The following ARHGEF3 variants were observed in gnomAD, a reference collection of about 807,000 sequenced individuals.
ARHGEF3 encodes 59.8 kDA protein.
Under a neutral mutation model 63.2 loss-of-function variants are expected in ARHGEF3, and 28 were observed. That is an observed-to-expected ratio of 0.44 (90% CI 0.33 to 0.61). ARHGEF3 has a LOEUF of 0.61. Among genes scored for constraint, ARHGEF3 ranks in the 20% least tolerant of loss-of-function variants. The probability of loss-of-function intolerance (pLI) is 0.03; values close to 1 mark genes in which losing one functional copy is unlikely to be tolerated. For missense variants in ARHGEF3, 533 were observed against 659.3 expected (o/e 0.81, Z 2.10); for synonymous variants, 266 against 254.2 (o/e 1.05, Z -0.44).
chr3:57,029,416 C>T (rs543734304), intron 2 of ARHGEF3, among the ~76,000 whole-genome samples: 1 of 148,280 alleles, frequency 6.7e-6, no homozygotes, highest in Non-Finnish European at 1.5e-5. Flanking sequence ...ACAACAAGAG[C>T]GAAACTCCGT....
At chr3:57,076,960 G>A (rs1706249681) in intron 1 of ARHGEF3, 1 of 152,112 alleles carries the variant, frequency 6.6e-6, no homozygotes, top group African/African-American at 2.4e-5. Context: ...GAAAGAGTGT[G>A]ATAGAAACTA....
chr3:56,746,458 G>T (rs1255410890), intron 6 of ARHGEF3, among the ~76,000 whole-genome samples: 1 of 152,204 alleles, frequency 6.6e-6, no homozygotes, highest in East Asian at 1.9e-4. Context: ...GCGGCCAGGC[G>T]CAGTGGCTCG....
chr3:57,045,360 G>C (rs1372992256), intron 1 of ARHGEF3, among the ~76,000 whole-genome samples: 1 of 152,202 alleles, frequency 6.6e-6, no homozygotes, highest in Non-Finnish European at 1.5e-5. Flanking sequence ...GTATGTTTTT[G>C]TTGATGGACA....
At chr3:56,912,934 T>C (rs1329257896) in intron 3 of ARHGEF3, among the ~76,000 whole-genome samples, 1 of 152,074 alleles carries the variant, frequency 6.6e-6, no homozygotes, top group African/African-American at 2.4e-5. Flanking sequence ...GGCCAGGAGT[T>C]CAAGACGAGC....
intron 2 of ARHGEF3, among the ~76,000 whole-genome samples, chr3:57,014,265 T>C (rs1453545891): frequency 2.6e-5 from 4 of 152,182 alleles, no homozygotes; most frequent in Admixed American, 2.6e-4. Context: ...TTAAGAACTG[T>C]AACACTCACT....
chr3:56,888,133 G>A, intron 3 of ARHGEF3, among the ~76,000 whole-genome samples: 1 of 149,486 alleles, frequency 6.7e-6, no homozygotes, highest in Admixed American at 6.6e-5. Flanking sequence ...ACCAGCAGGG[G>A]CATTTATTTT....
At chr3:56,736,816 G>A (rs1256475114) in intron 8 of ARHGEF3, among the ~76,000 whole-genome samples, 2 of 152,206 alleles carry the variant, frequency 1.3e-5, no homozygotes, top group African/African-American at 4.8e-5. Context: ...ACGAAGGACA[G>A]GCACGGTGGC....
chr3:56,929,372 C>G (rs1488966943), intron 3 of ARHGEF3, among the ~76,000 whole-genome samples: 4 of 152,196 alleles, frequency 2.6e-5, no homozygotes, highest in Non-Finnish European at 5.9e-5. Flanking sequence ...CAAATCCTGA[C>G]TAAAGAGCTT....
rs1410443306 is a variant in ARHGEF3, at chr3:57,042,691, TATATA to T, written c.-27-7520_-27-7516del. On this transcript the variant is annotated intron_variant, in intron 1 of 12. Coordinates refer to the ARHGEF3 transcript ENST00000338458. Reference sequence around the variant, plus strand: ...ATATATATATATATATATATATATATATATATATATTTTTTTTTTTTTTTAGACGG... The same window carrying T: ...ATATATATATATATATATATATATATTATATTTTTTTTTTTTTTTAGACGG... Among the ~76,000 whole-genome samples, 69 of 26,722 alleles carry T rather than the reference TATATA, an allele frequency of 2.6e-3. 3 individuals carry two copies. Among genetic ancestry groups the T allele is most frequent in the South Asian group, 7.1e-3 (5 of 702 alleles). The allele number at this position is 26,722 out of a possible 152,430, so 17.5% of individuals were successfully genotyped here. A position where few individuals can be genotyped will look rare whatever the true frequency, so the allele number is the denominator to read the frequency against.
intron 1 of ARHGEF3, chr3:56,775,702 G>A (rs2107849298): frequency 1.0e-6 from 1 of 985,444 alleles, no homozygotes; most frequent in Non-Finnish European, 1.2e-6. Flanking sequence ...CCAGTGCCAG[G>A]CTCTTGAGCA....
chr3:56,891,986 C>T (rs1413951951), intron 3 of ARHGEF3, among the ~76,000 whole-genome samples: 2 of 152,164 alleles, frequency 1.3e-5, no homozygotes, highest in African/African-American at 4.8e-5. Context: ...ATGAGACAGT[C>T]TTAGCCAAGG....
At chr3:57,074,843 G>A (rs1706136483) in intron 1 of ARHGEF3, 2 of 168,412 alleles carry the variant, frequency 1.2e-5, no homozygotes, top group Admixed American at 1.3e-4. Context: ...GGCAGTTTCA[G>A]AACACATTGC....
At chr3:57,064,433 C>A (rs1234580083) in intron 1 of ARHGEF3, among the ~76,000 whole-genome samples, 1 of 151,998 alleles carries the variant, frequency 6.6e-6, no homozygotes, top group Non-Finnish European at 1.5e-5. Context: ...AAGTGATCCT[C>A]CCATCTCAGC....
intron 4 of ARHGEF3, among the ~76,000 whole-genome samples, chr3:56,868,003 A>C (rs1156598157): frequency 6.6e-6 from 1 of 152,150 alleles, no homozygotes; most frequent in African/African-American, 2.4e-5. Flanking sequence ...TACAGAATAA[A>C]ATCAATAGCA....
intron 3 of ARHGEF3, among the ~76,000 whole-genome samples, chr3:56,887,350 TCTC>T (rs949399951): frequency 2.8e-4 from 42 of 152,222 alleles, no homozygotes; most frequent in African/African-American, 1.0e-3. Context: ...GAGTTCTGCT[TCTC>T]CTGCCTTGGG....
intron 1 of ARHGEF3, among the ~76,000 whole-genome samples, chr3:57,057,920 G>C (rs1341210129): frequency 6.6e-6 from 1 of 152,100 alleles, no homozygotes; most frequent in African/African-American, 2.4e-5. Flanking sequence ...GTTGAGGAGG[G>C]GCCACTTAAA....
intron 2 of ARHGEF3, among the ~76,000 whole-genome samples, chr3:56,959,488 TTA>T (rs1700187035): frequency 6.6e-6 from 1 of 152,196 alleles, no homozygotes; most frequent in South Asian, 2.1e-4. Context: ...CAGAAGCACC[TTA>T]TTTCTGTCTC....
At chr3:56,932,294 CA>C (rs927075100) in intron 3 of ARHGEF3, among the ~76,000 whole-genome samples, 6 of 151,466 alleles carry the variant, frequency 4.0e-5, no homozygotes, top group African/African-American at 9.7e-5. Context: ...CAAAACAAAA[CA>C]AAAAAAAGTC....
chr3:56,967,813 ATT>A (rs1212989100), intron 2 of ARHGEF3, among the ~76,000 whole-genome samples: 1 of 80,116 alleles, frequency 1.2e-5, no homozygotes, highest in East Asian at 4.0e-4. Flanking sequence ...TATAATATAT[ATT>A]ATATAATATA....
Sources: gnomAD v4.1 joint callset for allele counts (sites outside exome capture counted in the v4.1 genomes callset) on GRCh38, gnomAD v4.1.1 for gene constraint, MANE v1.5 for transcripts, NCBI Gene and HGNC (gene_info 2026-07-23, HGNC 2026-07-21) for gene names.